The following GNG4 variants were observed in gnomAD, a reference collection of about 807,000 sequenced individuals.
GNG4 encodes the protein guanine nucleotide-binding protein G(I)/G(S)/G(O) subunit gamma-4.
A neutral mutation model predicts 5.8 loss-of-function variants in GNG4; 4 were observed. That is an observed-to-expected ratio of 0.69 (90% CI 0.34 to 1.57). GNG4 has a LOEUF of 1.57. GNG4 is among the 40% of genes most tolerant of loss of function. GNG4 has a pLI of 0.06. For synonymous variants in GNG4, 29 were observed against 32.9 expected, an observed-to-expected ratio of 0.88 and a Z score of 0.41; for missense variants, 96 against 95.1, an observed-to-expected ratio of 1.01 and a Z score of -0.04.
intron 3 of GNG4, among the ~76,000 whole-genome samples, chr1:235,572,412 C>G (rs1687368006): frequency 1.3e-5 from 2 of 152,060 alleles, no homozygotes. Flanking sequence ...CTTGGCCAGG[C>G]TGGTCTCAAA....
At chr1:235,570,954 A>ATATC (rs1199257521) in intron 3 of GNG4, among the ~76,000 whole-genome samples, 3 of 126,206 alleles carry the variant, frequency 2.4e-5, no homozygotes, top group African/African-American at 9.6e-5. Context: ...ACATATATAT[A>ATATC]TACATACCTT....
At chr1:235,560,553 C>G (rs959535085) in intron 3 of GNG4, among the ~76,000 whole-genome samples, 3 of 152,172 alleles carry the variant, frequency 2.0e-5, no homozygotes, top group African/African-American at 7.2e-5. Flanking sequence ...CACAAGCCAA[C>G]TGAAACATAA....
At chr1:235,629,376 C>T in intron 1 of GNG4, among the ~76,000 whole-genome samples, 1 of 152,050 alleles carries the variant, frequency 6.6e-6, no homozygotes, top group East Asian at 1.9e-4. Flanking sequence ...GTCCCAACTT[C>T]TCCCATATGG....
intron 1 of GNG4, among the ~76,000 whole-genome samples, chr1:235,646,691 G>A (rs1028817819): frequency 3.3e-5 from 5 of 152,114 alleles, no homozygotes; most frequent in African/African-American, 7.2e-5. Context: ...GCACACAGCC[G>A]GCTTTCCCTT....
chr1:235,566,320 C>T (rs1021980851), intron 3 of GNG4: 4 of 157,320 alleles, frequency 2.5e-5, no homozygotes, highest in East Asian at 1.8e-4. Context: ...GCCTGAGCTC[C>T]GCCTCCTGTC....
intron 1 of GNG4, among the ~76,000 whole-genome samples, chr1:235,631,615 G>C (rs1688934756): frequency 6.6e-6 from 1 of 151,160 alleles, no homozygotes; most frequent in Non-Finnish European, 1.5e-5. Flanking sequence ...CTGTTGCTCA[G>C]GCTAGAGTGC....
rs531609412 is a variant in GNG4 at position 235,605,038 on chromosome 1, G to A, written c.-122-9527C>T. ...TGTAAAATGAGAAAATTGAGATCCG[G>A]CCAGCTAAGTCATTTGTCCAAAGCC... On this transcript the variant is annotated intron_variant, in intron 1 of 3. Coordinates refer to ENST00000391854, the MANE Select transcript of GNG4 (RefSeq NM_001098722.2). Among the ~76,000 whole-genome samples the A allele has an allele frequency of 2.6e-5, 4 of 152,174 alleles. No individual in the cohort carries two copies. In the South Asian group the frequency reaches 8.3e-4, roughly 32 times the overall value.
At chr1:235,573,116 G>A (rs909967217) in intron 3 of GNG4, among the ~76,000 whole-genome samples, 2 of 151,956 alleles carry the variant, frequency 1.3e-5, no homozygotes, top group Non-Finnish European at 2.9e-5. Context: ...AGAAAATGTG[G>A]CACATATACA....
At chr1:235,563,908 T>C (rs1014178163) in intron 3 of GNG4, among the ~76,000 whole-genome samples, 1 of 152,184 alleles carries the variant, frequency 6.6e-6, no homozygotes, top group African/African-American at 2.4e-5. Flanking sequence ...TGCAGTGTGG[T>C]TTTGAGTGCT....
intron 3 of GNG4, among the ~76,000 whole-genome samples, chr1:235,557,313 CGAG>C (rs1220630409): frequency 1.3e-5 from 2 of 152,128 alleles, no homozygotes; most frequent in Admixed American, 6.5e-5. Context: ...CCAGTGCACA[CGAG>C]GAGAGATCCT....
intron 1 of GNG4, among the ~76,000 whole-genome samples, chr1:235,602,274 C>A (rs1688271954): frequency 6.6e-6 from 1 of 151,912 alleles, no homozygotes; most frequent in Admixed American, 6.6e-5. Flanking sequence ...CCGATCTCAA[C>A]AACAACAACA....
At chr1:235,579,862 A>AAAAAAAAAAAAAAAAAAT (rs57019025) in intron 3 of GNG4, among the ~76,000 whole-genome samples, 6,173 of 108,036 alleles carry the variant, frequency 0.057, 732 homozygotes, top group African/African-American at 0.079. Flanking sequence ...CAAAAAAAAA[A>AAAAAAAAAAAAAAAAAAT]AGGTAAAAAG....
At chr1:235,571,616 T>C (rs766119916) in intron 3 of GNG4, among the ~76,000 whole-genome samples, 1 of 152,200 alleles carries the variant, frequency 6.6e-6, no homozygotes, top group South Asian at 2.1e-4. Flanking sequence ...AAATTTGATA[T>C]TGACTCAAAC....
At chr1:235,574,939 C>T (rs1687440817) in intron 3 of GNG4, among the ~76,000 whole-genome samples, 1 of 152,158 alleles carries the variant, frequency 6.6e-6, no homozygotes. Context: ...ATTCTCCTGC[C>T]TCAGCCTCCC....
chr1:235,583,691 T>G (rs954310267), intron 3 of GNG4, 49 bp downstream of exon 3: 11 of 1,240,478 alleles, frequency 8.9e-6, no homozygotes, highest in Non-Finnish European at 1.2e-5. Context: ...GGAGGAATGT[T>G]TTGAGCTGAG....
Position 235,562,659 on chromosome 1 carries a change from GA to G in GNG4, c.100-10423del, listed in dbSNP as rs1318706984. 4.7e-3 allele frequency among the ~76,000 whole-genome samples: 243 copies of G among 51,286 alleles called. 1 individual carries two copies. The highest frequency in any genetic ancestry group is 0.013 in the African/African-American group (164 of 12,990). The allele number at this position is 51,286 out of a possible 152,430, so 33.6% of individuals were successfully genotyped here. ...GGCTCTGTCTCAAGAAAAAAAAAAA[GA>G]AAAAAAAAAAAAGAAAAAAAAAAAA... On this transcript the variant is annotated intron_variant, in intron 3 of 3. Coordinates refer to ENST00000391854, the MANE Select transcript of GNG4 (RefSeq NM_001098722.2).
At chr1:235,596,209 TAC>T (rs59527448) in intron 1 of GNG4, among the ~76,000 whole-genome samples, 13,120 of 133,352 alleles carry the variant, frequency 0.098, 1,022 homozygotes, top group African/African-American at 0.22. Flanking sequence ...ACAAACAAAA[TAC>T]ACACACACAC....
At chr1:235,587,679 A>AGGGGG (rs1687844090) in intron 2 of GNG4, among the ~76,000 whole-genome samples, 3 of 7,402 alleles carry the variant, frequency 4.1e-4, no homozygotes, top group South Asian at 5.5e-3. Flanking sequence ...ACTGTGGGGT[A>AGGGGG]TGTGTGCGAG....
chr1:235,637,380 C>T (rs1025789963), intron 1 of GNG4, among the ~76,000 whole-genome samples: 12 of 152,220 alleles, frequency 7.9e-5, no homozygotes, highest in East Asian at 5.8e-4. Flanking sequence ...AGGCTGGGCG[C>T]GGTGGCTCAC....
Sources: gnomAD v4.1 joint callset for allele counts (sites outside exome capture counted in the v4.1 genomes callset) on GRCh38, gnomAD v4.1.1 for gene constraint, MANE v1.5 for transcripts, NCBI Gene and HGNC (gene_info 2026-07-23, HGNC 2026-07-21) for gene names.